Variants in CPS1 observed in about 807,000 individuals in gnomAD.
CPS1 encodes the protein carbamoyl-phosphate synthase 1, also known as carbamoyl-phosphate synthase [ammonia], mitochondrial.
A neutral mutation model predicts 174.6 loss-of-function variants in CPS1; 109 were observed. The observed-to-expected ratio is 0.62, with a 90% CI of 0.53 to 0.73. The LOEUF (loss-of-function observed/expected upper bound fraction) is 0.73. Ranked by LOEUF, CPS1 falls within the 30% of genes least tolerant of loss-of-function variation. The probability of loss-of-function intolerance (pLI) is 0.00; values close to 1 mark genes in which losing one functional copy is unlikely to be tolerated. For synonymous variants in CPS1, 637 were observed against 632.0 expected (o/e 1.01, Z -0.12); for missense variants, 1,689 against 1,821.9 (o/e 0.93, Z 1.33).
At chr2:210,674,627 CA>C (rs1701458704) in intron 34 of CPS1, 1 of 468,820 alleles carries the variant, frequency 2.1e-6, no homozygotes, top group Non-Finnish European at 3.9e-6. Flanking sequence ...TCTGAACTTA[CA>C]AAGACCAAGT....
Position 210,642,997 on chromosome 2 carries a change from C to G in CPS1, c.3141+332C>G, listed in dbSNP as rs548563081. On this transcript the variant is annotated intron_variant, in intron 25 of 37. Coordinates refer to ENST00000233072, the MANE Select transcript of CPS1 (RefSeq NM_001875.5). ...ATACAAGATGATCCCTCATAAATAT[C>G]TTGCAGAGTGATTGAATTGGTCATC... Among the ~76,000 whole-genome samples the G allele has an allele frequency of 3.9e-5, 6 of 152,330 alleles. No individual in the cohort carries two copies. The South Asian group carries it at 6.2e-4, about 16-fold the overall frequency.
At chr2:210,499,642 C>G (rs1362650347) in intron 1 of CPS1, among the ~76,000 whole-genome samples, 1 of 152,168 alleles carries the variant, frequency 6.6e-6, no homozygotes, top group Non-Finnish European at 1.5e-5. Context: ...GCAGCTTTTC[C>G]CTGTGTCTTT....
At chr2:210,545,718 A>G (rs1696544347) in intron 1 of CPS1, among the ~76,000 whole-genome samples, 1 of 152,088 alleles carries the variant, frequency 6.6e-6, no homozygotes, top group Non-Finnish European at 1.5e-5. Context: ...TTGTAGTCAC[A>G]TGCGTAGAGG....
intron 1 of CPS1, among the ~76,000 whole-genome samples, chr2:210,492,702 T>A (rs1694903379): frequency 6.6e-6 from 1 of 152,150 alleles, no homozygotes; most frequent in Non-Finnish European, 1.5e-5. Context: ...GAAGTTTATA[T>A]TGCAGGGGTT....
chr2:210,650,951 G>A (rs144804463), intron 28 of CPS1, among the ~76,000 whole-genome samples: 156 of 152,254 alleles, frequency 1.0e-3, no homozygotes, highest in African/African-American at 3.5e-3. Context: ...GGCACATTCA[G>A]TTTGTGAGTT....
At chr2:210,556,934 C>A in intron 1 of CPS1, 75 bp downstream of exon 1, 1 of 1,516,368 alleles carries the variant, frequency 6.6e-7, no homozygotes, top group East Asian at 2.3e-5. Context: ...GTGTCCCTTA[C>A]AAGGCAAATA....
chr2:210,478,934 C>CCTCCCG (rs1559727479), intron 1 of CPS1, among the ~76,000 whole-genome samples: 1 of 38,298 alleles, frequency 2.6e-5, no homozygotes, highest in Non-Finnish European at 8.1e-5. Flanking sequence ...CCCTTCCCCC[C>CCTCCCG]TCCCTTCCCT....
intron 14 of CPS1, 118 bp downstream of exon 14, chr2:210,599,679 T>C: frequency 8.9e-7 from 1 of 1,123,952 alleles, no homozygotes; most frequent in Admixed American, 1.9e-5. Flanking sequence ...TCCTCTACTG[T>C]GTGAGAAAGC....
At chr2:210,670,626 C>CA (rs1180722743) in intron 34 of CPS1, among the ~76,000 whole-genome samples, 5 of 151,938 alleles carry the variant, frequency 3.3e-5, no homozygotes, top group Admixed American at 1.3e-4. Flanking sequence ...AAAAATAGCA[C>CA]AAAAAAGACT....
intron 1 of CPS1, among the ~76,000 whole-genome samples, chr2:210,501,994 A>G (rs1695151003): frequency 6.6e-6 from 1 of 152,120 alleles, no homozygotes. Context: ...GCCCTCAAGA[A>G]ACTTGCAATT....
At chr2:210,662,495 A>C (rs1700957119) in intron 32 of CPS1, among the ~76,000 whole-genome samples, 1 of 152,224 alleles carries the variant, frequency 6.6e-6, no homozygotes, top group Non-Finnish European at 1.5e-5. Context: ...AAGTGGACAC[A>C]TAGCGAGAAA....
chr2:210,631,549 C>T (rs559902056), intron 21 of CPS1, among the ~76,000 whole-genome samples: 41 of 152,236 alleles, frequency 2.7e-4, no homozygotes, highest in Non-Finnish European at 5.3e-4. Context: ...GTGTAAAAGT[C>T]TGATGGTCTG....
At chr2:210,504,373 G>A (rs1695223766) in intron 1 of CPS1, among the ~76,000 whole-genome samples, 1 of 152,192 alleles carries the variant, frequency 6.6e-6, no homozygotes, top group South Asian at 2.1e-4. Context: ...TACATTAATA[G>A]CTAACGTTGA....
At chr2:210,591,521 AT>A (rs562363824) in intron 9 of CPS1, among the ~76,000 whole-genome samples, 142 of 151,966 alleles carry the variant, frequency 9.3e-4, no homozygotes, top group Non-Finnish European at 1.6e-3. Flanking sequence ...AGTCACTTAT[AT>A]TTCTTAGTTT....
intron 1 of CPS1, among the ~76,000 whole-genome samples, chr2:210,486,573 C>T (rs138167323): frequency 0.01 from 1,584 of 152,232 alleles, 26 homozygotes; most frequent in African/African-American, 0.036. Flanking sequence ...TGCAATGGTG[C>T]GATCGCGGCT....
At chr2:210,612,357 T>C in intron 20 of CPS1, 64 bp downstream of exon 20, 1 of 1,573,048 alleles carries the variant, frequency 6.4e-7, no homozygotes, top group Admixed American at 1.7e-5. Context: ...AGTCTGGACA[T>C]TAAAATAAAA....
intron 16 of CPS1, among the ~76,000 whole-genome samples, chr2:210,603,838 G>T (rs904735352): frequency 8.6e-5 from 13 of 151,578 alleles, no homozygotes; most frequent in African/African-American, 2.4e-4. Context: ...TTCTCTTGAG[G>T]TTATAATTAG....
At chr2:210,639,876 A>AG (rs1363793319) in intron 23 of CPS1, 120 bp from the exon 24 acceptor site, 8 of 749,518 alleles carry the variant, frequency 1.1e-5, no homozygotes, top group Non-Finnish European at 1.9e-5. Flanking sequence ...AGACTAATAG[A>AG]GAATACATGT....
At chr2:210,569,066 A>G (rs7583822) in intron 1 of CPS1, among the ~76,000 whole-genome samples, 93,406 of 151,902 alleles carry the variant, frequency 0.61, 29,170 homozygotes, top group African/African-American at 0.72. Flanking sequence ...TAATTTCACT[A>G]AAGTGTGAAC....
Sources: gnomAD v4.1 joint callset for allele counts (sites outside exome capture counted in the v4.1 genomes callset) on GRCh38, gnomAD v4.1.1 for gene constraint, MANE v1.5 for transcripts, NCBI Gene and HGNC (gene_info 2026-07-23, HGNC 2026-07-21) for gene names.